FUT9: variants seen among roughly 807,000 people sequenced by gnomAD.
FUT9 encodes the protein 4-galactosyl-N-acetylglucosaminide 3-alpha-L-fucosyltransferase 9.
FUT9 carries 15 observed loss-of-function variants against 29.7 expected under a neutral mutation model. The ratio of observed to expected loss-of-function variants is 0.51; its 90% confidence interval spans 0.34 to 0.78. FUT9 has a LOEUF of 0.78. Ranked by LOEUF, FUT9 falls within the 30% of genes least tolerant of loss-of-function variation. FUT9 has a pLI of 0.01. For synonymous variants in FUT9, 169 were observed against 153.7 expected (o/e 1.10, Z -0.74); for missense variants, 319 against 425.4 (o/e 0.75, Z 2.20).
intron 1 of FUT9, among the ~76,000 whole-genome samples, chr6:96,113,802 C>A (rs1209459901): frequency 6.7e-6 from 1 of 149,224 alleles, no homozygotes; most frequent in Non-Finnish European, 1.5e-5. Context: ...TGCAGTAAGC[C>A]GAGATCATGC....
rs1410487353 is a variant in FUT9, at chr6:96,214,020, T to C, written c.*9785T>C. On this transcript the variant is annotated 3_prime_UTR_variant, in exon 3 of 3. Transcript: ENST00000302103. ...CCTTTCAAAAGTCCCTTTTCAACATTTGGTAAAGTGAAAATGTTATTCATA... is the reference window on the plus strand; with the variant it reads ...CCTTTCAAAAGTCCCTTTTCAACATCTGGTAAAGTGAAAATGTTATTCATA... The C allele has an allele frequency of 1.2e-5, 2 of 166,918 alleles. No individual in the cohort carries two copies. The highest frequency in any genetic ancestry group is 2.9e-5 in the Non-Finnish European group (2 of 68,038). 10.3% of individuals were successfully genotyped at this position (166,918 alleles called of 1,614,324 possible).
intron 1 of FUT9, among the ~76,000 whole-genome samples, chr6:96,094,247 T>C (rs1771459137): frequency 6.6e-6 from 1 of 152,138 alleles, no homozygotes; most frequent in African/African-American, 2.4e-5. Context: ...TCTCATGCCA[T>C]CCCTTTGTCT....
chr6:96,211,496 G>C lies in FUT9; in HGVS notation c.*7261G>C, dbSNP rs1451035224. 2.4e-5 allele frequency: 4 copies of C among 166,686 alleles called. No homozygotes were observed. Among genetic ancestry groups the C allele is most frequent in the African/African-American group, 2.4e-5 (1 of 41,380 alleles). The allele number at this position is 166,686 out of a possible 1,614,324, so 10.3% of individuals were successfully genotyped here. On this transcript the variant is annotated 3_prime_UTR_variant, in exon 3 of 3. Coordinates refer to ENST00000302103, the MANE Select transcript of FUT9 (RefSeq NM_006581.4). ...CACAGGACTAGTTAATGATTTGTTA[G>C]GAAGTCTCCATCTACTCTTAAACTA...
intron 2 of FUT9, among the ~76,000 whole-genome samples, chr6:96,192,046 C>T (rs963039141): frequency 6.6e-6 from 1 of 152,210 alleles, no homozygotes; most frequent in African/African-American, 2.4e-5. Flanking sequence ...ATTCAGTGGA[C>T]GTATCTCAAA....
At chr6:96,077,068 G>T (rs747810023) in intron 1 of FUT9, among the ~76,000 whole-genome samples, 1 of 152,096 alleles carries the variant, frequency 6.6e-6, no homozygotes, top group African/African-American at 2.4e-5. Context: ...CCTTCCCCCA[G>T]ATTGACACCT....
chr6:96,187,699 T>C (rs1388308715), intron 2 of FUT9, among the ~76,000 whole-genome samples: 1 of 152,170 alleles, frequency 6.6e-6, no homozygotes, highest in African/African-American at 2.4e-5. Context: ...GGGAATTCTT[T>C]ATTTTGTTTT....
intron 2 of FUT9, among the ~76,000 whole-genome samples, chr6:96,121,916 T>A (rs903306501): frequency 1.3e-5 from 2 of 152,078 alleles, no homozygotes; most frequent in African/African-American, 4.8e-5. Flanking sequence ...GAGCACAAGA[T>A]CAAATCTTCA....
intron 2 of FUT9, among the ~76,000 whole-genome samples, chr6:96,196,509 C>T (rs955249612): frequency 2.6e-5 from 4 of 151,906 alleles, no homozygotes; most frequent in Non-Finnish European, 4.4e-5. Flanking sequence ...GTCAGGAGAT[C>T]GCGATCATCC....
intron 2 of FUT9, among the ~76,000 whole-genome samples, chr6:96,125,451 T>C (rs997338239): frequency 6.6e-6 from 1 of 152,258 alleles, no homozygotes; most frequent in Non-Finnish European, 1.5e-5. Flanking sequence ...TTAATCATTA[T>C]AATAACAATA....
At chr6:96,091,816 G>C (rs1190978981) in intron 1 of FUT9, among the ~76,000 whole-genome samples, 1 of 151,974 alleles carries the variant, frequency 6.6e-6, no homozygotes. Flanking sequence ...TGGTAAGGAG[G>C]GGCTTTGCCA....
At chr6:96,043,804 T>C (rs1770511308) in intron 1 of FUT9, among the ~76,000 whole-genome samples, 1 of 152,172 alleles carries the variant, frequency 6.6e-6, no homozygotes, top group African/African-American at 2.4e-5. Flanking sequence ...CTCTCTTATA[T>C]TCATATAAGT....
intron 2 of FUT9, among the ~76,000 whole-genome samples, chr6:96,131,726 G>T (rs139534417): frequency 6.6e-6 from 1 of 152,140 alleles, no homozygotes; most frequent in Non-Finnish European, 1.5e-5. Context: ...ATTGAGAAAA[G>T]ATTTCCTATA....
intron 1 of FUT9, among the ~76,000 whole-genome samples, chr6:96,071,980 G>T (rs1231673031): frequency 6.6e-5 from 10 of 152,014 alleles, no homozygotes; most frequent in Admixed American, 6.6e-4. Context: ...ACTAGATGTG[G>T]TGCAAAATGC....
chr6:96,016,921 T>G (rs971501162), intron 1 of FUT9, among the ~76,000 whole-genome samples: 2 of 152,212 alleles, frequency 1.3e-5, no homozygotes, highest in Admixed American at 1.3e-4. Flanking sequence ...AACAAACTTT[T>G]TGTTATTGTT....
chr6:96,033,393 C>T (rs1770297941), intron 1 of FUT9, among the ~76,000 whole-genome samples: 1 of 151,550 alleles, frequency 6.6e-6, no homozygotes, highest in Admixed American at 6.6e-5. Context: ...GAAGCATTTT[C>T]ATGATTGATG....
At chr6:96,130,485 CT>C in intron 2 of FUT9, among the ~76,000 whole-genome samples, 1 of 152,138 alleles carries the variant, frequency 6.6e-6, no homozygotes, top group East Asian at 1.9e-4. Flanking sequence ...AACTCCCATC[CT>C]TTTTTGAAAA....
Position 96,213,775 on chromosome 6 carries a change from A to T in FUT9, c.*9540A>T, listed in dbSNP as rs1469167852. 1 of 166,956 alleles carries T rather than the reference A, an allele frequency of 6.0e-6. No individual in the cohort carries two copies. The highest frequency in any genetic ancestry group is 2.4e-5 in the African/African-American group (1 of 41,442). The allele number at this position is 166,956 out of a possible 1,614,324, so 10.3% of individuals were successfully genotyped here. A position where few individuals can be genotyped will look rare whatever the true frequency, so the allele number is the denominator to read the frequency against. On this transcript the variant is annotated 3_prime_UTR_variant, in exon 3 of 3. Transcript: ENST00000302103. ...GAGTATTTTTCCACACTTGAAAAAA[A>T]CATGATTATTTTATATCAAACATCA...
At chr6:96,098,470 T>C (rs1771537092) in intron 1 of FUT9, among the ~76,000 whole-genome samples, 1 of 152,206 alleles carries the variant, frequency 6.6e-6, no homozygotes, top group Non-Finnish European at 1.5e-5. Flanking sequence ...TAGCTCCTTC[T>C]ATCATTCTAT....
At chr6:96,019,190 TA>T (rs980450933) in intron 1 of FUT9, among the ~76,000 whole-genome samples, 1 of 151,922 alleles carries the variant, frequency 6.6e-6, no homozygotes, top group African/African-American at 2.4e-5. Flanking sequence ...AAAAATACCT[TA>T]AAAAAAGCAC....
Sources: gnomAD v4.1 joint callset for allele counts (sites outside exome capture counted in the v4.1 genomes callset) on GRCh38, gnomAD v4.1.1 for gene constraint, MANE v1.5 for transcripts, NCBI Gene and HGNC (gene_info 2026-07-23, HGNC 2026-07-21) for gene names.